Variants in MAPT observed in about 807,000 individuals in gnomAD.
The protein encoded by MAPT is microtubule associated protein tau.
Under a neutral mutation model 67.9 loss-of-function variants are expected in MAPT, and 34 were observed. The ratio of observed to expected loss-of-function variants is 0.50; its 90% CI spans 0.38 to 0.67. The LOEUF (loss-of-function observed/expected upper bound fraction) is 0.67, where lower values mean the gene tolerates loss of function less well. MAPT is among the 30% of genes least tolerant of loss of function. MAPT has a pLI of 0.00. For missense variants in MAPT, 881 were observed against 1,115.2 expected (o/e 0.79, Z 2.99); for synonymous variants, 456 against 464.5 (o/e 0.98, Z 0.23).
intron 1 of MAPT, among the ~76,000 whole-genome samples, chr17:45,935,112 C>T (rs2067204657): frequency 6.6e-6 from 1 of 152,112 alleles, no homozygotes; most frequent in African/African-American, 2.4e-5. Context: ...ATTTGAAAAT[C>T]GACCATGGTA....
intron 1 of MAPT, among the ~76,000 whole-genome samples, chr17:45,957,490 C>G (rs2069870352): frequency 6.6e-6 from 1 of 152,226 alleles, no homozygotes; most frequent in Non-Finnish European, 1.5e-5. Context: ...TGTTCATTCC[C>G]TGAAAACCTC....
intron 10 of MAPT, among the ~76,000 whole-genome samples, chr17:46,013,410 G>A (rs2075956689): frequency 2.6e-5 from 4 of 152,368 alleles, no homozygotes; most frequent in South Asian, 2.1e-4. Flanking sequence ...CTTTGACTGA[G>A]ATCAGCTGGC....
chr17:45,904,289 GTATAATA>G (rs1360672533), intron 1 of MAPT, among the ~76,000 whole-genome samples: 22 of 32,878 alleles, frequency 6.7e-4, no homozygotes, highest in African/African-American at 1.7e-3. Context: ...TATATAATAT[GTATAATA>G]TATAATATAT....
At position 45,896,187 on chromosome 17, in the gene MAPT, C is replaced by G. The variant is rs952702271; in HGVS notation, c.-18+1501C>G. The G allele has an allele frequency of 3.9e-5, 6 of 152,040 alleles. No individual in the cohort carries two copies. The highest frequency in any genetic ancestry group is 9.7e-5 in the African/African-American group (4 of 41,364). 9.4% of individuals were successfully genotyped at this position (152,040 alleles called of 1,614,324 possible). A position where few individuals can be genotyped will look rare whatever the true frequency, so the allele number is the denominator to read the frequency against. ...CCGGCACGCATGGAACGGGCGTGAC[C>G]GCGCGCAGCCTCGTCTCGGAGTCTG... On this transcript the variant is annotated intron_variant, in intron 1 of 12. Coordinates refer to ENST00000262410, the MANE Select transcript of MAPT (RefSeq NM_001377265.1). This position sits in a 1 kb window ranked among gnomAD's most constrained non-coding sequence, Gnocchi z 5.6.
chr17:45,901,552 C>A (rs779429091), intron 1 of MAPT, among the ~76,000 whole-genome samples: 29 of 151,984 alleles, frequency 1.9e-4, no homozygotes, highest in Non-Finnish European at 4.1e-4. Context: ...TCCATGTATC[C>A]AATAAGTATA....
chr17:45,989,952 C>T lies in MAPT; in HGVS notation c.1482C>T (p.Ser494=). The T allele has an allele frequency of 1.2e-6, 2 of 1,614,198 alleles. No homozygotes were observed. The highest frequency in any genetic ancestry group is 8.5e-7 in the Non-Finnish European group (1 of 1,180,046). Residue 494 remains serine (S), a synonymous_variant, in exon 7 of 13, where the codon AGC becomes AGT. Coordinates refer to ENST00000262410, the MANE Select transcript of MAPT (RefSeq NM_001377265.1). ...GCCCCAAACACCCCACTCCTGGTAGCTCAGACCCTCTGATCCAACCCTCCA... is the reference window on the plus strand; with the variant it reads ...GCCCCAAACACCCCACTCCTGGTAGTTCAGACCCTCTGATCCAACCCTCCA... ...CLSPKHPTPG[S]SDPLIQPSSP...
chr17:46,014,506 G>A (rs1306094265), intron 11 of MAPT, among the ~76,000 whole-genome samples, 182 bp downstream of exon 11: 5 of 152,218 alleles, frequency 3.3e-5, no homozygotes, highest in Non-Finnish European at 7.3e-5. Flanking sequence ...GCTCCAGCTC[G>A]CTCCTGCCCA....
In MAPT at chr17:45,983,403, G is replaced by C. The variant is rs757159453; in HGVS notation, c.824G>C (p.Gly275Ala). The C allele has an allele frequency of 2.5e-6, 4 of 1,607,258 alleles. No homozygotes were observed. Among genetic ancestry groups the C allele is most frequent in the Non-Finnish European group, 3.4e-6 (4 of 1,176,672 alleles). Residue 275 changes from glycine (G) to alanine (A), a missense_variant, in exon 5 of 13, where the codon GGG becomes GCG. By Grantham distance (60) the Gly-to-Ala change is moderately conservative. This residue lies in a region of MAPT where 687 missense variants were observed against 766.1 expected (regional missense o/e 0.90). Coordinates refer to ENST00000262410, the MANE Select transcript of MAPT (RefSeq NM_001377265.1). ...HQLLGDLHQE[G>A]PPLKGAGGKE... The stretch of plus-strand genomic sequence containing the variant: ...CTTCTAGGAGACCTGCACCAGGAGG[G>C]GCCGCCGCTGAAGGGGGCAGGGGGC...
Position 45,996,565 on chromosome 17 carries a change from C to A in MAPT, c.1899C>A (p.Ser633Arg). Residue 633 changes from serine (S) to arginine (R), a missense_variant, in exon 9 of 13, where the codon AGC (serine) becomes AGA (arginine). Physicochemically the swap from Ser to Arg is moderately radical, Grantham distance 110 (BLOSUM62 -1). Coordinates refer to ENST00000262410, the MANE Select transcript of MAPT (RefSeq NM_001377265.1). This position sits in a 1 kb window ranked among gnomAD's most constrained non-coding sequence, Gnocchi z 4.5. ...CCAAGTCGCCGTCTTCCGCCAAGAGCCGCCTGCAGACAGCCCCCGTGCCCA... is the reference window on the plus strand; with the variant it reads ...CCAAGTCGCCGTCTTCCGCCAAGAGACGCCTGCAGACAGCCCCCGTGCCCA... ...TPPKSPSSAK[S>R]RLQTAPVPMP... is the part of the protein sequence containing the mutation. 1 of 1,613,716 alleles carries A rather than the reference C, an allele frequency of 6.2e-7. No individual in the cohort carries two copies. The highest frequency in any genetic ancestry group is 8.5e-7 in the Non-Finnish European group (1 of 1,179,862).
rs1279346329 is a variant in MAPT at position 45,918,314 on chromosome 17, C to T, written c.-18+23628C>T. Among the ~76,000 whole-genome samples the T allele has an allele frequency of 2.0e-5, 3 of 152,134 alleles. No individual in the cohort carries two copies. In the East Asian group the frequency reaches 5.8e-4, roughly 29 times the overall value. On this transcript the variant is annotated intron_variant, in intron 1 of 12. Coordinates refer to ENST00000262410, the MANE Select transcript of MAPT (RefSeq NM_001377265.1). ...AGAAATGGATATGAGATGCATTTAC[C>T]TGTCTCTTCCTGCCACTCTGCAGAG...
At chr17:46,005,388 T>C (rs1257239610) in intron 9 of MAPT, among the ~76,000 whole-genome samples, 1 of 152,232 alleles carries the variant, frequency 6.6e-6, no homozygotes, top group African/African-American at 2.4e-5. Flanking sequence ...GTGTGTTTTC[T>C]AATTCTAAGC....
In MAPT at chr17:45,983,710, G is replaced by A. The variant is rs1473300662; in HGVS notation, c.1131G>A (p.Thr377=). 6.2e-7 allele frequency: 1 copy of A among 1,614,192 alleles called. No homozygotes were observed. The highest frequency in any genetic ancestry group is 8.5e-7 in the Non-Finnish European group (1 of 1,180,030). ...GGCAGGATGCCCCCCTGGAGTTCACGTTTCACGTGGAAATCACACCCAACG... is the reference window on the plus strand; with the variant it reads ...GGCAGGATGCCCCCCTGGAGTTCACATTTCACGTGGAAATCACACCCAACG... ...AKGQDAPLEF[T]FHVEITPNVQ... Residue 377 remains threonine, a synonymous_variant, in exon 5 of 13, where the codon ACG becomes ACA. Transcript: ENST00000262410.
intron 1 of MAPT, among the ~76,000 whole-genome samples, chr17:45,910,474 A>G (rs570817152): frequency 3.0e-4 from 46 of 152,122 alleles, no homozygotes; most frequent in Middle Eastern, 3.4e-3. Context: ...TCTTCCCCCT[A>G]GCTTTCCCAT....
At chr17:45,987,226 T>C in intron 6 of MAPT, 131 bp downstream of exon 6, 1 of 886,418 alleles carries the variant, frequency 1.1e-6, no homozygotes, top group Non-Finnish European at 1.8e-6. Context: ...TTTAAAGTGC[T>C]TTGTATTTTG....
At chr17:46,011,794 A>T (rs1271132732) in intron 10 of MAPT, among the ~76,000 whole-genome samples, 1 of 152,142 alleles carries the variant, frequency 6.6e-6, no homozygotes, top group Non-Finnish European at 1.5e-5. Context: ...CATCCAGCCC[A>T]GAGGGTTTAT....
intron 12 of MAPT, 131 bp downstream of exon 12, chr17:46,018,861 C>A: frequency 1.4e-6 from 1 of 698,692 alleles, no homozygotes; most frequent in Non-Finnish European, 2.6e-6. Context: ...TGGATGTGGG[C>A]CCTCAGCAGC....
intron 1 of MAPT, among the ~76,000 whole-genome samples, chr17:45,899,273 A>G (rs916260369): frequency 1.3e-5 from 2 of 152,164 alleles, no homozygotes; most frequent in East Asian, 1.9e-4. Context: ...TAAACATCCT[A>G]CAAGGAAGGC....
chr17:45,985,627 A>G (rs62063791), intron 5 of MAPT: 200,456 of 979,178 alleles, frequency 0.2, 22,188 homozygotes, highest in Non-Finnish European at 0.22. Context: ...GGGTTTCCCA[A>G]ACTTACTTGA....
chr17:46,016,148 T>C (rs2076162441), intron 11 of MAPT, among the ~76,000 whole-genome samples: 1 of 152,088 alleles, frequency 6.6e-6, no homozygotes, highest in African/African-American at 2.4e-5. Context: ...TCCCAGCACC[T>C]TGGGAGGCGG....
Sources: gnomAD v4.1 joint callset for allele counts (sites outside exome capture counted in the v4.1 genomes callset) on GRCh38, gnomAD v4.1.1 for gene constraint, gnomAD v4.1.1 regional missense constraint, Gnocchi (gnomAD v3.1) non-coding constraint, MANE v1.5 for transcripts, NCBI Gene and HGNC (gene_info 2026-07-23, HGNC 2026-07-21) for gene names.